Variants in CHD1L observed in about 807,000 individuals in gnomAD.
CHD1L encodes ATP-dependent chromatin remodeler CHD1L.
A neutral mutation model predicts 115.9 loss-of-function variants in CHD1L; 118 were observed. That is an observed-to-expected ratio of 1.02 (90% CI 0.88 to 1.19). The LOEUF is 1.19. Among genes scored for constraint, CHD1L ranks in the 50% most tolerant of loss-of-function variants. The pLI, the probability that CHD1L is intolerant of heterozygous loss-of-function variation, is 0.00. For synonymous variants in CHD1L, 411 were observed against 387.1 expected (o/e 1.06, Z -0.72); for missense variants, 1,179 against 1,065.3 (o/e 1.11, Z -1.49).
In CHD1L at chr1:147,271,049, T is replaced by TTAACA. The variant is rs782190592; in HGVS notation, c.1159+45_1159+49dup. 2.7e-6 allele frequency: 4 copies of TTAACA among 1,468,820 alleles called. No individual in the cohort carries two copies. In the Admixed American group the frequency reaches 5.0e-5, roughly 18 times the overall value. The allele number at this position is 1,468,820 out of a possible 1,614,324, so 91.0% of individuals were successfully genotyped here. The stretch of plus-strand genomic sequence containing the variant: ...TACATTACCTAAGGCTCTGTTAGAC[T>TTAACA]TAACAGTCCAGATAGGTCCATGAAG... On this transcript the variant is annotated intron_variant, in intron 11 of 22. Transcript: ENST00000369258.
the CHD1L span, among the ~76,000 whole-genome samples, chr1:147,211,740 T>C: frequency 1.3e-5 from 2 of 152,180 alleles, no homozygotes; most frequent in Non-Finnish European, 2.9e-5. Context: ...AAGTCTGCTA[T>C]ACAAAAACCA....
At chr1:147,190,098 G>T in the CHD1L span, 2 of 970,574 alleles carry the variant, frequency 2.1e-6, no homozygotes, top group Non-Finnish European at 1.6e-6. Context: ...ACATGAGGCA[G>T]TTAAATACAG....
intron 1 of CHD1L, among the ~76,000 whole-genome samples, chr1:147,243,625 C>T (rs1232927982): frequency 6.6e-6 from 1 of 152,132 alleles, no homozygotes; most frequent in Non-Finnish European, 1.5e-5. Flanking sequence ...CCGCCCCAGC[C>T]TCGTTTTCCT....
chr1:147,228,701 T>C, the CHD1L span, among the ~76,000 whole-genome samples: 1 of 152,230 alleles, frequency 6.6e-6, no homozygotes, highest in Non-Finnish European at 1.5e-5. Context: ...TGATCCCCAT[T>C]CTAACTGGTG....
chr1:147,242,866 C>G (rs1249850982), intron 1 of CHD1L, 36 bp downstream of exon 1: 24 of 1,261,600 alleles, frequency 1.9e-5, no homozygotes, highest in Non-Finnish European at 2.2e-5. Context: ...GCCAGGCGGG[C>G]CAACCTATTG....
In CHD1L at chr1:147,281,916, C is replaced by T. The variant is rs1269274835; in HGVS notation, c.1705+1725C>T. Among the ~76,000 whole-genome samples, 3 of 152,294 alleles carry T rather than the reference C, an allele frequency of 2.0e-5. No homozygotes were observed. In the East Asian group the frequency reaches 5.8e-4, roughly 29 times the overall value. ...TCATTAAATCTAGCTAATGAACATACATCACTTCATATGGTTATATATTTG... is the reference window on the plus strand; with the variant it reads ...TCATTAAATCTAGCTAATGAACATATATCACTTCATATGGTTATATATTTG... On this transcript the variant is annotated intron_variant, in intron 15 of 22. Transcript: ENST00000369258.
In CHD1L at chr1:147,272,257, G is replaced by A. The variant is rs587627638; in HGVS notation, c.1246G>A (p.Val416Ile). 1.6e-4 allele frequency: 264 copies of A among 1,613,958 alleles called. No homozygotes were observed. In the South Asian group the frequency reaches 2.3e-3, roughly 14 times the overall value. Reference sequence around the variant, plus strand: ...GAACTTTGGACAGCAGCCCATTTTCGTTTTTCTCCTGAGTACTAGGGCAGG... The same window carrying A: ...GAACTTTGGACAGCAGCCCATTTTCATTTTTCTCCTGAGTACTAGGGCAGG... ...IKNFGQQPIF[V>I]FLLSTRAGGV... is the part of the protein sequence containing the mutation. Residue 416 changes from valine (V) to isoleucine (I), a missense_variant, in exon 12 of 23, where the codon GTT becomes ATT. Val to Ile is a conservative substitution (Grantham distance 29). Coordinates refer to ENST00000369258, the MANE Select transcript of CHD1L (RefSeq NM_004284.6).
At chr1:147,282,131 C>T (rs587767751) in intron 15 of CHD1L, among the ~76,000 whole-genome samples, 1 of 152,324 alleles carries the variant, frequency 6.6e-6, no homozygotes, top group South Asian at 2.1e-4. Context: ...TGATGAAGTG[C>T]CACAAAGCTG....
the CHD1L span, chr1:147,203,715 G>T: frequency 1.3e-6 from 2 of 1,514,554 alleles, no homozygotes; most frequent in South Asian, 2.2e-5. Context: ...GGTACAAGAC[G>T]TTTATCCCTT....
At chr1:147,279,523 G>A (rs1214712870) in intron 14 of CHD1L, among the ~76,000 whole-genome samples, 3 of 152,136 alleles carry the variant, frequency 2.0e-5, no homozygotes, top group Non-Finnish European at 4.4e-5. Flanking sequence ...TTGCCAAGGT[G>A]GTTTCGATAG....
chr1:147,215,457 T>C, the CHD1L span: 2 of 289,144 alleles, frequency 6.9e-6, no homozygotes, highest in African/African-American at 2.2e-5. Context: ...CCTTCTGTAA[T>C]GGGGAAAACA....
the CHD1L span, chr1:147,173,199 G>A: frequency 1.3e-5 from 2 of 154,444 alleles, no homozygotes; most frequent in African/African-American, 2.4e-5. Context: ...TACTTGGGAG[G>A]ATGAGGCAGA....
chr1:147,251,580 G>A (rs1234119007), intron 1 of CHD1L, among the ~76,000 whole-genome samples: 8 of 152,072 alleles, frequency 5.3e-5, no homozygotes, highest in East Asian at 1.9e-4. Flanking sequence ...CAAGGCTGTA[G>A]TGCAGTGGCG....
chr1:147,224,410 T>G, the CHD1L span: 3 of 157,160 alleles, frequency 1.9e-5, no homozygotes, highest in African/African-American at 7.2e-5. Context: ...CTTCAAAAAA[T>G]GTAAAAATAA....
At chr1:147,272,101 CTTAA>C in intron 11 of CHD1L, 66 bp from the exon 12 acceptor site, 5 of 1,370,474 alleles carry the variant, frequency 3.6e-6, no homozygotes, top group Non-Finnish European at 5.1e-6. Context: ...TGGTTTTGGG[CTTAA>C]TTTTTTATTC....
At chr1:147,278,043 G>C (rs1423998328) in intron 14 of CHD1L, among the ~76,000 whole-genome samples, 8 of 152,090 alleles carry the variant, frequency 5.3e-5, no homozygotes, top group Non-Finnish European at 1.0e-4. Context: ...GAGCGACTCT[G>C]TTGGACTTCT....
intron 8 of CHD1L, among the ~76,000 whole-genome samples, chr1:147,267,165 T>A (rs782766529): frequency 1.3e-5 from 2 of 152,186 alleles, no homozygotes; most frequent in South Asian, 2.1e-4. Context: ...TAAAGAAAAT[T>A]TAGAATTTGC....
At chr1:147,199,598 A>G in the CHD1L span, among the ~76,000 whole-genome samples, 2 of 152,322 alleles carry the variant, frequency 1.3e-5, no homozygotes, top group East Asian at 3.9e-4. Flanking sequence ...CCAGTTGCTT[A>G]AAGTATACTA....
chr1:147,240,146 AAAG>A (rs1366385376), upstream of CHD1L, among the ~76,000 whole-genome samples: 1 of 152,234 alleles, frequency 6.6e-6, no homozygotes, highest in Non-Finnish European at 1.5e-5. Flanking sequence ...GTCTGTGTAG[AAAG>A]AAGTAGAAAT....
Sources: gnomAD v4.1 joint callset for allele counts (sites outside exome capture counted in the v4.1 genomes callset) on GRCh38, gnomAD v4.1.1 for gene constraint, MANE v1.5 for transcripts, NCBI Gene and HGNC (gene_info 2026-07-23, HGNC 2026-07-21) for gene names.